The following CCDC60 variants were observed in gnomAD, a reference collection of about 807,000 sequenced individuals.
The protein encoded by CCDC60 is coiled-coil domain containing 60.
Under a neutral mutation model 63.5 loss-of-function variants are expected in CCDC60, and 54 were observed. The ratio of observed to expected loss-of-function variants is 0.85; its 90% confidence interval spans 0.68 to 1.07. The LOEUF (loss-of-function observed/expected upper bound fraction) is 1.07. Among genes scored for constraint, CCDC60 ranks in the 50% least tolerant of loss-of-function variants. The probability of loss-of-function intolerance (pLI) is 0.00; values close to 1 mark genes in which losing one functional copy is unlikely to be tolerated. For synonymous variants in CCDC60, 206 were observed against 238.8 expected (o/e 0.86, Z 1.27); for missense variants, 651 against 684.3 (o/e 0.95, Z 0.54).
intron 1 of CCDC60, among the ~76,000 whole-genome samples, chr12:119,409,970 A>C (rs1230265779): frequency 1.3e-5 from 2 of 152,066 alleles, no homozygotes; most frequent in Non-Finnish European, 2.9e-5. Context: ...CAATCCATGC[A>C]TTAATGACAG....
chr12:119,389,972 A>G (rs759618165), intron 1 of CCDC60, among the ~76,000 whole-genome samples: 1 of 152,210 alleles, frequency 6.6e-6, no homozygotes, highest in Non-Finnish European at 1.5e-5. Context: ...GCCACATGAA[A>G]GAAGTAGACT....
In CCDC60 at chr12:119,533,511, G is replaced by A. The variant is rs180910047; in HGVS notation, c.1551+2448G>A. On this transcript the variant is annotated intron_variant, in intron 13 of 13. Coordinates refer to ENST00000327554, the MANE Select transcript of CCDC60 (RefSeq NM_178499.5). ...CTTTGCCCATGCCTATGTCCTGAATGGTACTGCCTAGGTTTTCTTCTAGGG... is the reference window on the plus strand; with the variant it reads ...CTTTGCCCATGCCTATGTCCTGAATAGTACTGCCTAGGTTTTCTTCTAGGG... 6.6e-4 allele frequency among the ~76,000 whole-genome samples: 100 copies of A among 152,268 alleles called. 1 individual carries two copies. Among genetic ancestry groups the A allele is most frequent in the Non-Finnish European group, 8.8e-5 (6 of 68,014 alleles).
chr12:119,418,386 C>CTTTT (rs556783132), intron 1 of CCDC60, among the ~76,000 whole-genome samples: 14 of 65,760 alleles, frequency 2.1e-4, no homozygotes, highest in Non-Finnish European at 2.7e-4. Context: ...TTCTTTCTTT[C>CTTTT]TTTTTTTTTT....
At chr12:119,513,425 AG>A (rs1236392955) in intron 7 of CCDC60, among the ~76,000 whole-genome samples, 1 of 152,164 alleles carries the variant, frequency 6.6e-6, no homozygotes, top group African/African-American at 2.4e-5. Context: ...AGGAGAGAAT[AG>A]TTCTCTCCTT....
intron 9 of CCDC60, among the ~76,000 whole-genome samples, chr12:119,520,447 G>A (rs3847974): frequency 0.018 from 2,812 of 152,142 alleles, 82 homozygotes; most frequent in African/African-American, 0.062. Flanking sequence ...GGGAGGACGC[G>A]GTACAAGACT....
chr12:119,335,645 T>C (rs1592971419), intron 1 of CCDC60, among the ~76,000 whole-genome samples: 1 of 152,040 alleles, frequency 6.6e-6, no homozygotes, highest in African/African-American at 2.4e-5. Flanking sequence ...TTGATGGGGT[T>C]GTTTGTTTTT....
intron 2 of CCDC60, among the ~76,000 whole-genome samples, chr12:119,444,309 A>G (rs1436287901): frequency 6.6e-6 from 1 of 152,208 alleles, no homozygotes; most frequent in Non-Finnish European, 1.5e-5. Flanking sequence ...ATTACTATTT[A>G]TTAGAAGTAG....
intron 13 of CCDC60, among the ~76,000 whole-genome samples, chr12:119,534,583 A>G (rs1388787747): frequency 6.6e-6 from 1 of 152,228 alleles, no homozygotes; most frequent in Non-Finnish European, 1.5e-5. Context: ...ATTTTGAGAT[A>G]CATTCCATCA....
In CCDC60 at chr12:119,541,021, G is replaced by C; in HGVS notation, c.*306G>C. On this transcript the variant is annotated 3_prime_UTR_variant, in exon 14 of 14. Coordinates refer to ENST00000327554, the MANE Select transcript of CCDC60 (RefSeq NM_178499.5). ...CCCTATTTACCTTCCTCAAGTACTG[G>C]AGAATAAAATTGAACTGAATGTTTG... The C allele has an allele frequency of 3.8e-6, 1 of 261,208 alleles. No homozygotes were observed. The allele number at this position is 261,208 out of a possible 1,614,324, so 16.2% of individuals were successfully genotyped here. A position where few individuals can be genotyped will look rare whatever the true frequency, so the allele number is the denominator to read the frequency against.
chr12:119,506,835 C>T lies in CCDC60; in HGVS notation c.883+1532C>T, dbSNP rs1300287703. Among the ~76,000 whole-genome samples, 2 of 151,814 alleles carry T rather than the reference C, an allele frequency of 1.3e-5. 1 individual carries two copies. Among genetic ancestry groups the T allele is most frequent in the Non-Finnish European group, 2.9e-5 (2 of 67,992 alleles). On this transcript the variant is annotated intron_variant, in intron 7 of 13. Coordinates refer to ENST00000327554, the MANE Select transcript of CCDC60 (RefSeq NM_178499.5). ...AACATTCATTTTCAGAACTTTCTGG[C>T]TTGAGCTTGTATAGTAAAAGGAGAT...
At chr12:119,340,396 A>G (rs1011829842) in intron 1 of CCDC60, among the ~76,000 whole-genome samples, 2 of 152,196 alleles carry the variant, frequency 1.3e-5, no homozygotes, top group African/African-American at 4.8e-5. Context: ...GTACCTAGGT[A>G]GACTGGGGCT....
intron 1 of CCDC60, among the ~76,000 whole-genome samples, chr12:119,385,812 TC>T (rs1956053979): frequency 6.6e-6 from 1 of 152,072 alleles, no homozygotes; most frequent in African/African-American, 2.4e-5. Context: ...CAGTCGCTGC[TC>T]CCCCTCCGTG....
intron 1 of CCDC60, among the ~76,000 whole-genome samples, chr12:119,382,248 C>G (rs1029206277): frequency 6.6e-6 from 1 of 152,210 alleles, no homozygotes; most frequent in African/African-American, 2.4e-5. Flanking sequence ...CAGTCTTTAG[C>G]GTTTTACCAT....
intron 13 of CCDC60, among the ~76,000 whole-genome samples, chr12:119,540,365 C>A (rs1338500439): frequency 1.3e-5 from 2 of 152,156 alleles, no homozygotes; most frequent in African/African-American, 2.4e-5. Context: ...CTGTCCTCCC[C>A]AAATTTCCTT....
chr12:119,438,643 G>A (rs1950374485), intron 2 of CCDC60, among the ~76,000 whole-genome samples: 1 of 152,186 alleles, frequency 6.6e-6, no homozygotes, highest in African/African-American at 2.4e-5. Context: ...ATATGGATGA[G>A]GAATATATGA....
At chr12:119,342,143 G>T (rs904252663) in intron 1 of CCDC60, among the ~76,000 whole-genome samples, 2 of 152,300 alleles carry the variant, frequency 1.3e-5, no homozygotes, top group Admixed American at 1.3e-4. Flanking sequence ...CATCAGGCTG[G>T]CAAGGCCCAA....
chr12:119,432,182 G>A (rs1950240230), intron 2 of CCDC60, among the ~76,000 whole-genome samples: 1 of 152,148 alleles, frequency 6.6e-6, no homozygotes, highest in Non-Finnish European at 1.5e-5. Context: ...TGATGCCTTG[G>A]GAACCTTGGA....
In CCDC60 at chr12:119,456,060, A is replaced by AAAGCAAGCAAGCAAGCAAGC. The variant is rs77318681; in HGVS notation, c.171-15921_171-15920insAGCAAGCAAGCAAGCAAGCA. Among the ~76,000 whole-genome samples the AAAGCAAGCAAGCAAGCAAGC allele has an allele frequency of 0.012, 1,452 of 118,730 alleles. 47 individuals carry two copies. Among genetic ancestry groups the AAAGCAAGCAAGCAAGCAAGC allele is most frequent in the East Asian group, 0.028 (103 of 3,652 alleles). The allele number at this position is 118,730 out of a possible 152,430, so 77.9% of individuals were successfully genotyped here. A position where few individuals can be genotyped will look rare whatever the true frequency, so the allele number is the denominator to read the frequency against. On this transcript the variant is annotated intron_variant, in intron 2 of 13. Coordinates refer to ENST00000327554, the MANE Select transcript of CCDC60 (RefSeq NM_178499.5). The surrounding 1 kb of genome is among the most constrained non-coding windows in gnomAD (Gnocchi z 4.6). ...GAAAGAAAGAAAGAAAGAAAGAAAG[A>AAAGCAAGCAAGCAAGCAAGC]AAGCAAGCAAGCATGTGCAATTTCA...
chr12:119,540,464 T>C (rs968731271), intron 13 of CCDC60, 150 bp from the exon 14 acceptor site: 1 of 643,018 alleles, frequency 1.6e-6, no homozygotes, highest in Non-Finnish European at 2.8e-6. Context: ...ACCACCCCAA[T>C]CTGATGCTCC....
Sources: gnomAD v4.1 joint callset for allele counts (sites outside exome capture counted in the v4.1 genomes callset) on GRCh38, gnomAD v4.1.1 for gene constraint, Gnocchi (gnomAD v3.1) non-coding constraint, MANE v1.5 for transcripts, NCBI Gene and HGNC (gene_info 2026-07-23, HGNC 2026-07-21) for gene names.